Variants in USH2A observed in about 807,000 individuals in gnomAD.
USH2A encodes the protein usherin.
A neutral mutation model predicts 538.9 loss-of-function variants in USH2A; 443 were observed. The observed-to-expected ratio is 0.82, with a 90% confidence interval of 0.76 to 0.89. The LOEUF is 0.89. Among genes scored for constraint, USH2A ranks in the 40% least tolerant of loss-of-function variants. The pLI is 0.00. For synonymous variants in USH2A, 2,413 were observed against 2,273.5 expected (o/e 1.06, Z -1.75); for missense variants, 6,633 against 6,324.8 (o/e 1.05, Z -1.65).
At chr1:215,956,853 T>A (rs981693951) in intron 37 of USH2A, among the ~76,000 whole-genome samples, 1 of 152,180 alleles carries the variant, frequency 6.6e-6, no homozygotes, top group Admixed American at 6.6e-5. Flanking sequence ...GAAGAATATG[T>A]CCTAATTAAA....
At chr1:215,662,399 C>G (rs1657468218) in intron 64 of USH2A, among the ~76,000 whole-genome samples, 1 of 152,166 alleles carries the variant, frequency 6.6e-6, no homozygotes, top group Admixed American at 6.5e-5. Context: ...TGAGAACCAA[C>G]CCATCTTCAC....
rs1026745547 is a variant in USH2A at position 215,932,981 on chromosome 1, A to T, written c.7300+1635T>A. On this transcript the variant is annotated intron_variant, in intron 38 of 71. Coordinates refer to ENST00000307340, the MANE Select transcript of USH2A (RefSeq NM_206933.4). ...AATCTTGATATATGTATAAATAACA[A>T]ATTATTAGACCATACATTCCTAAAA... is the stretch of plus-strand genomic sequence containing the variant. Among the ~76,000 whole-genome samples the T allele has an allele frequency of 1.9e-4, 29 of 152,150 alleles. 1 individual carries two copies. The highest frequency in any genetic ancestry group is 7.0e-4 in the African/African-American group (29 of 41,560).
At chr1:215,638,764 G>A (rs1656580120) in intron 69 of USH2A, among the ~76,000 whole-genome samples, 1 of 152,068 alleles carries the variant, frequency 6.6e-6, no homozygotes, top group African/African-American at 2.4e-5. Context: ...AGATCACGAG[G>A]TCAGGAGATC....
At chr1:215,926,062 A>C (rs1666229840) in intron 38 of USH2A, among the ~76,000 whole-genome samples, 1 of 152,178 alleles carries the variant, frequency 6.6e-6, no homozygotes, top group Non-Finnish European at 1.5e-5. Flanking sequence ...GAAATATTTT[A>C]CAATTCTCAG....
At chr1:216,253,381 G>A (rs1282054169) in intron 11 of USH2A, among the ~76,000 whole-genome samples, 1 of 151,968 alleles carries the variant, frequency 6.6e-6, no homozygotes, top group South Asian at 2.1e-4. Flanking sequence ...GGTCAGGCTG[G>A]TCCTGAACTC....
rs934415493 is a variant in USH2A, at chr1:215,782,253, A to G, written c.10586-57T>C. ...ATGTGATATCATTTTAACTATTTGC[A>G]AACAACTTACAAATCTTAGTGTTCG... is the stretch of plus-strand genomic sequence containing the variant. On this transcript the variant is annotated intron_variant, in intron 53 of 71. Transcript: ENST00000307340. The G allele has an allele frequency of 8.9e-6, 14 of 1,575,956 alleles. No individual in the cohort carries two copies. The African/African-American group carries it at 1.8e-4, about 20-fold the overall frequency.
chr1:215,916,394 T>C (rs1665956424), intron 38 of USH2A, among the ~76,000 whole-genome samples: 1 of 151,912 alleles, frequency 6.6e-6, no homozygotes. Flanking sequence ...AGTGACAAAA[T>C]AAAATATTTT....
intron 64 of USH2A, among the ~76,000 whole-genome samples, chr1:215,669,701 C>T (rs781549035): frequency 7.2e-5 from 11 of 152,074 alleles, no homozygotes; most frequent in Non-Finnish European, 1.0e-4. Context: ...CTTGGAATTG[C>T]AAACAAGGGA....
intron 11 of USH2A, among the ~76,000 whole-genome samples, chr1:216,277,175 T>A (rs1316472591): frequency 1.3e-5 from 2 of 152,154 alleles, no homozygotes; most frequent in East Asian, 1.9e-4. Context: ...AAATCTATGA[T>A]CCCTCAGCAT....
intron 41 of USH2A, among the ~76,000 whole-genome samples, chr1:215,886,323 CTG>C (rs1350832340): frequency 6.6e-6 from 1 of 152,194 alleles, no homozygotes; most frequent in African/African-American, 2.4e-5. Context: ...TCATATACCT[CTG>C]TTTACCAGCT....
chr1:216,281,114 G>A (rs1487363844), intron 11 of USH2A, among the ~76,000 whole-genome samples: 4 of 152,046 alleles, frequency 2.6e-5, no homozygotes, highest in African/African-American at 9.7e-5. Context: ...CACATGTAAC[G>A]ATACTCCATA....
intron 14 of USH2A, among the ~76,000 whole-genome samples, chr1:216,230,508 A>C (rs567849428): frequency 7.4e-4 from 112 of 152,330 alleles, no homozygotes; most frequent in African/African-American, 2.6e-3. Flanking sequence ...TATTTTAATA[A>C]AATTTTAAAT....
intron 5 of USH2A, among the ~76,000 whole-genome samples, chr1:216,327,240 A>T (rs12029697): frequency 3.9e-5 from 6 of 152,282 alleles, no homozygotes; most frequent in Non-Finnish European, 5.9e-5. Flanking sequence ...AAACCAATTT[A>T]AAAAAGGCAG....
intron 21 of USH2A, among the ~76,000 whole-genome samples, chr1:216,100,626 G>A (rs2032554816): frequency 6.6e-6 from 1 of 152,164 alleles, no homozygotes; most frequent in African/African-American, 2.4e-5. Context: ...CTCTACCAGT[G>A]TGTTGGAGTC....
chr1:216,369,359 C>T (rs1317658616), intron 3 of USH2A, among the ~76,000 whole-genome samples: 2 of 152,086 alleles, frequency 1.3e-5, no homozygotes, highest in African/African-American at 4.8e-5. Flanking sequence ...AAACCTAAGG[C>T]CTTCTGAGAT....
intron 3 of USH2A, among the ~76,000 whole-genome samples, chr1:216,366,341 T>C (rs929390366): frequency 3.4e-5 from 5 of 149,040 alleles, no homozygotes; most frequent in Admixed American, 6.7e-5. Context: ...GGTCCGGCAA[T>C]TGTAACAAAT....
At chr1:215,800,419 C>A (rs776738235) in intron 49 of USH2A, among the ~76,000 whole-genome samples, 2 of 152,112 alleles carry the variant, frequency 1.3e-5, no homozygotes, top group Non-Finnish European at 2.9e-5. Flanking sequence ...GTATGATGAC[C>A]AATCTGATGG....
chr1:215,671,017 A>T lies in USH2A; in HGVS notation c.14088T>A (p.Ser4696=). 1 of 1,614,170 alleles carries T rather than the reference A, an allele frequency of 6.2e-7. No individual in the cohort carries two copies. Among genetic ancestry groups the T allele is most frequent in the Non-Finnish European group, 8.5e-7 (1 of 1,180,016 alleles). Residue 4696 remains serine, a synonymous_variant, in exon 64 of 72, where the codon TCT becomes TCA. Coordinates refer to ENST00000307340, the MANE Select transcript of USH2A (RefSeq NM_206933.4). ...AAGGCAATAGTTCGGAATCTATAAA[A>T]GATGTTGAGCTTCCGTTATAGATTA... The part of the protein sequence containing the change: ...PVLIYNGSST[S]FIDSELLPFT...
chr1:216,286,723 C>CTAAA (rs145969783), intron 11 of USH2A, among the ~76,000 whole-genome samples: 6,565 of 151,078 alleles, frequency 0.043, 231 homozygotes, highest in African/African-American at 0.1. Flanking sequence ...GACTCTGTCT[C>CTAAA]TAAATAAATA....
Sources: allele counts gnomAD v4.1 joint callset (sites outside exome capture counted in the v4.1 genomes callset), GRCh38; gene constraint gnomAD v4.1.1; transcripts MANE v1.5; gene names NCBI Gene and HGNC (gene_info 2026-07-23, HGNC 2026-07-21).